Variants in SPAG16 observed in about 807,000 individuals in gnomAD.
The protein encoded by SPAG16 is sperm-associated antigen 16 protein.
Under a neutral mutation model 80.4 loss-of-function variants are expected in SPAG16, and 86 were observed. The ratio of observed to expected loss-of-function variants is 1.07; its 90% CI spans 0.90 to 1.28. The LOEUF is 1.28. Ranked by LOEUF, SPAG16 falls within the 50% of genes most tolerant of loss-of-function variation. SPAG16 has a pLI of 0.00. For synonymous variants in SPAG16, 294 were observed against 265.9 expected, an observed-to-expected ratio of 1.11 and a Z score of -1.03; for missense variants, 870 against 765.3, an observed-to-expected ratio of 1.14 and a Z score of -1.61.
intron 10 of SPAG16, among the ~76,000 whole-genome samples, chr2:213,552,587 A>T (rs970926383): frequency 6.6e-6 from 1 of 152,234 alleles, no homozygotes; most frequent in Admixed American, 6.5e-5. Flanking sequence ...TTTCAAAAAC[A>T]TATTCTCAAA....
At chr2:213,351,698 T>C (rs1468843825) in intron 7 of SPAG16, among the ~76,000 whole-genome samples, 2 of 152,204 alleles carry the variant, frequency 1.3e-5, no homozygotes, top group African/African-American at 2.4e-5. Flanking sequence ...TAATACTCTT[T>C]TGAATAATTT....
chr2:213,616,730 C>T (rs1324804401), intron 10 of SPAG16, among the ~76,000 whole-genome samples: 1 of 152,096 alleles, frequency 6.6e-6, no homozygotes, highest in African/African-American at 2.4e-5. Context: ...GTTTTTCACT[C>T]TTGTACATTA....
chr2:214,104,198 T>C (rs1375829383), intron 13 of SPAG16, among the ~76,000 whole-genome samples: 1 of 152,000 alleles, frequency 6.6e-6, no homozygotes, highest in Admixed American at 6.6e-5. Flanking sequence ...TGAAGAAATA[T>C]GAAAATATTC....
chr2:214,357,413 A>G (rs1257930603), intron 15 of SPAG16, among the ~76,000 whole-genome samples: 1 of 151,784 alleles, frequency 6.6e-6, no homozygotes, highest in Non-Finnish European at 1.5e-5. Flanking sequence ...TCTGGGCTAC[A>G]TCCTGTTCAA....
intron 10 of SPAG16, among the ~76,000 whole-genome samples, chr2:213,747,571 G>C (rs1437285624): frequency 6.6e-6 from 1 of 152,116 alleles, no homozygotes; most frequent in Non-Finnish European, 1.5e-5. Context: ...CAAATTTTCT[G>C]TGTTCAGATA....
At chr2:214,235,281 AACTT>A (rs1269893457) in intron 15 of SPAG16, among the ~76,000 whole-genome samples, 2 of 152,152 alleles carry the variant, frequency 1.3e-5, no homozygotes, top group Admixed American at 1.3e-4. Context: ...TGAAAGTCCA[AACTT>A]ACTTAATATG....
intron 15 of SPAG16, among the ~76,000 whole-genome samples, chr2:214,198,353 G>T (rs991475972): frequency 1.3e-5 from 2 of 151,970 alleles, no homozygotes; most frequent in African/African-American, 4.8e-5. Context: ...TACAAAATTT[G>T]GTTTTTCCAT....
intron 3 of SPAG16, chr2:213,302,639 G>GTGTGTGTGTGTGTGTA (rs2062786458): frequency 1.2e-5 from 1 of 80,450 alleles, no homozygotes; most frequent in Admixed American, 1.6e-4. Context: ...GTGTGTGTGT[G>GTGTGTGTGTGTGTGTA]TGTGTGTGTG....
At chr2:213,661,134 G>C (rs920096252) in intron 10 of SPAG16, among the ~76,000 whole-genome samples, 2 of 152,158 alleles carry the variant, frequency 1.3e-5, no homozygotes, top group Non-Finnish European at 2.9e-5. Context: ...CCATGTGTTT[G>C]TGTAATATTA....
intron 15 of SPAG16, among the ~76,000 whole-genome samples, chr2:214,213,307 A>T (rs2058345291): frequency 6.6e-6 from 1 of 152,194 alleles, no homozygotes; most frequent in Non-Finnish European, 1.5e-5. Flanking sequence ...TCAAATGTTC[A>T]TACAAAGCTG....
At chr2:213,876,506 G>A (rs935718411) in intron 11 of SPAG16, among the ~76,000 whole-genome samples, 3 of 152,042 alleles carry the variant, frequency 2.0e-5, no homozygotes, top group South Asian at 2.1e-4. Context: ...TATAAATGAA[G>A]TAGAAGAGAT....
intron 12 of SPAG16, among the ~76,000 whole-genome samples, chr2:213,949,179 T>TTTTTGTTTTG (rs1553677656): frequency 2.8e-5 from 1 of 36,244 alleles, no homozygotes; most frequent in Non-Finnish European, 5.5e-5. Context: ...GTTTTTTTTT[T>TTTTTGTTTTG]TTTTTTTTTT....
chr2:213,970,898 T>G (rs1386983806), intron 12 of SPAG16, among the ~76,000 whole-genome samples: 1 of 152,206 alleles, frequency 6.6e-6, no homozygotes, highest in Admixed American at 6.5e-5. Flanking sequence ...CAGGTCTAAT[T>G]TTCATTAAGC....
chr2:213,604,661 T>C (rs2061190314), intron 10 of SPAG16, among the ~76,000 whole-genome samples: 1 of 152,100 alleles, frequency 6.6e-6, no homozygotes, highest in African/African-American at 2.4e-5. Context: ...CTACATTATT[T>C]ATTAAATTGT....
intron 9 of SPAG16, among the ~76,000 whole-genome samples, chr2:213,485,085 C>T (rs1213854195): frequency 3.3e-5 from 5 of 151,296 alleles, no homozygotes; most frequent in African/African-American, 7.4e-5. Context: ...ACCTTCGCCT[C>T]CTGGGCTCAA....
chr2:214,018,040 T>A (rs1481216676), intron 13 of SPAG16, among the ~76,000 whole-genome samples: 1 of 151,988 alleles, frequency 6.6e-6, no homozygotes, highest in Admixed American at 6.6e-5. Context: ...TAGAAAAAAA[T>A]TTAAATTGAT....
At chr2:213,871,784 T>C (rs539047571) in intron 11 of SPAG16, among the ~76,000 whole-genome samples, 5 of 151,268 alleles carry the variant, frequency 3.3e-5, no homozygotes, top group Admixed American at 1.3e-4. Context: ...AGAAGAAACT[T>C]CTGTGACCAC....
intron 12 of SPAG16, among the ~76,000 whole-genome samples, chr2:214,006,960 A>G (rs1485685298): frequency 2.0e-5 from 3 of 152,164 alleles, no homozygotes; most frequent in African/African-American, 7.2e-5. Flanking sequence ...CCACCACCAT[A>G]AGTGAATATA....
At chr2:213,416,726 G>A (rs1041735929) in intron 9 of SPAG16, among the ~76,000 whole-genome samples, 1 of 152,116 alleles carries the variant, frequency 6.6e-6, no homozygotes, top group African/African-American at 2.4e-5. Context: ...ATATGAGATG[G>A]TCAGTTGGAT....
Sources: allele counts gnomAD v4.1 joint callset (sites outside exome capture counted in the v4.1 genomes callset), GRCh38; gene constraint gnomAD v4.1.1; transcripts MANE v1.5; gene names NCBI Gene and HGNC (gene_info 2026-07-23, HGNC 2026-07-21).